The following SMIM29 variants were observed in gnomAD, a reference collection of about 807,000 sequenced individuals.
The protein encoded by SMIM29 is small integral membrane protein 29, also known as uncharacterized protein C6orf1.
In SMIM29, 4 loss-of-function variants were observed where a neutral mutation model predicts 12.9. The ratio of observed to expected loss-of-function variants is 0.31; its 90% confidence interval spans 0.15 to 0.71. SMIM29 has a LOEUF of 0.71. Ranked by LOEUF, SMIM29 falls within the 30% of genes least tolerant of loss-of-function variation. SMIM29 has a pLI of 0.70. For missense variants in SMIM29, 122 were observed against 138.1 expected, an observed-to-expected ratio of 0.88 and a Z score of 0.58; for synonymous variants, 50 against 52.0, an observed-to-expected ratio of 0.96 and a Z score of 0.17.
In SMIM29 at chr6:34,246,431, AATACT is replaced by A. The variant is rs1489021148; in HGVS notation, c.*367_*371del. Reference sequence around the variant, plus strand: ...CATTTTATTTACAAAATATATACTGAATACTATACATCTGGCCCCATCACCATGGA... The same window carrying A: ...CATTTTATTTACAAAATATATACTGAATACATCTGGCCCCATCACCATGGA... On this transcript the variant is annotated 3_prime_UTR_variant, in exon 5 of 5. Transcript: ENST00000476320. 12 of 1,405,242 alleles carry A rather than the reference AATACT, an allele frequency of 8.5e-6. No homozygotes were observed. The highest frequency in any genetic ancestry group is 5.9e-5 in the South Asian group (4 of 68,236). 87.0% of individuals were successfully genotyped at this position (1,405,242 alleles called of 1,614,324 possible).
rs1561883451 is a variant in SMIM29, at chr6:34,246,864, A to G, written c.248T>C (p.Val83Ala). ...LLSDMGDPKV[V>A]HGWQSGYQHK... ...CTGGTAGCCACTCTGCCAGCCATGT[A>G]CCACCTGTCGGGGAGGAGACCACAC... The change falls in exon 5 of 5, where the codon GTA (valine) becomes GCA (alanine). Residue 83 changes from valine (V) to alanine (A), a missense_variant. Transcript: ENST00000476320. 2 of 1,607,698 alleles carry G rather than the reference A, an allele frequency of 1.2e-6. No homozygotes were observed. The highest frequency in any genetic ancestry group is 8.5e-7 in the Non-Finnish European group (1 of 1,176,204).
chr6:34,248,097 C>T (rs1451498326), intron 1 of SMIM29: 1 of 985,302 alleles, frequency 1.0e-6, no homozygotes, highest in Non-Finnish European at 1.2e-6. Context: ...AACTCCTATC[C>T]CTAAATCAGG....
chr6:34,248,192 C>T, intron 1 of SMIM29: 1 of 985,406 alleles, frequency 1.0e-6, no homozygotes, highest in Non-Finnish European at 1.2e-6. Context: ...GGTGCCTGCC[C>T]CAGCCCTTTT....
In SMIM29 at chr6:34,246,574, G is replaced by C; in HGVS notation, c.*229C>G. ...TCCCAGAAGGAAAGCCTCTTCCCAT[G>C]AGTGCCTGTGGGTGGGCGGTGAGCT... On this transcript the variant is annotated 3_prime_UTR_variant, in exon 5 of 5. Transcript: ENST00000476320. 1 of 1,603,314 alleles carries C rather than the reference G, an allele frequency of 6.2e-7. No individual in the cohort carries two copies. The highest frequency in any genetic ancestry group is 8.5e-7 in the Non-Finnish European group (1 of 1,172,798).
intron 3 of SMIM29, 79 bp from the exon 4 acceptor site, chr6:34,247,228 T>C: frequency 6.2e-7 from 1 of 1,605,582 alleles, no homozygotes; most frequent in Non-Finnish European, 8.5e-7. Flanking sequence ...TCTCCTCCCT[T>C]TCCCAGGCAG....
intron 3 of SMIM29, 93 bp from the exon 4 acceptor site, chr6:34,247,242 C>T: frequency 6.2e-7 from 1 of 1,600,458 alleles, no homozygotes; most frequent in Non-Finnish European, 8.5e-7. Flanking sequence ...CAGGCAGGGG[C>T]AATTCCAGTG....
At chr6:34,246,891 A>C (rs376787037) in intron 4 of SMIM29, 23 bp from the exon 5 acceptor site, 33 of 1,600,648 alleles carry the variant, frequency 2.1e-5, no homozygotes, top group Non-Finnish European at 2.7e-5. Flanking sequence ...AGACCACACC[A>C]CAAGGCTGGG....
At chr6:34,248,831 C>T (rs1762906425) in intron 1 of SMIM29, 148 bp downstream of exon 1, 11 of 985,724 alleles carry the variant, frequency 1.1e-5, no homozygotes, top group African/African-American at 1.7e-5. Context: ...GGAGGTGGTT[C>T]CCACGGCGCT....
rs760198976 is a variant in SMIM29, at chr6:34,246,754, C to CA, written c.*48dup. Reference sequence around the variant, plus strand: ...GCAGGGGAAGCAGATGGCAGGGCCCCAGGCAGTCCAGGACCCCAGGCTCTG... The same window carrying CA: ...GCAGGGGAAGCAGATGGCAGGGCCCCAAGGCAGTCCAGGACCCCAGGCTCTG... On this transcript the variant is annotated 3_prime_UTR_variant, in exon 5 of 5. Coordinates refer to ENST00000476320, the MANE Select transcript of SMIM29 (RefSeq NM_001008703.4). The CA allele has an allele frequency of 3.1e-6, 5 of 1,613,516 alleles. No homozygotes were observed. The highest frequency in any genetic ancestry group is 2.2e-5 in the South Asian group (2 of 91,068).
At chr6:34,247,591 A>G in intron 2 of SMIM29, 90 bp downstream of exon 2, 1 of 1,498,630 alleles carries the variant, frequency 6.7e-7, no homozygotes, top group Non-Finnish European at 8.9e-7. Flanking sequence ...TTAACAGGAC[A>G]GTGGGGACTC....
At chr6:34,248,773 G>A (rs1356561295) in intron 1 of SMIM29, 2 of 985,790 alleles carry the variant, frequency 2.0e-6, no homozygotes, top group Non-Finnish European at 2.4e-6. Context: ...TGCCAGGGTG[G>A]GGAGGGCGTC....
chr6:34,246,852 T>C lies in SMIM29; in HGVS notation c.260A>G (p.Gln87Arg). The stretch of plus-strand genomic sequence containing the variant: ...CATCCGCTTGTGCTGGTAGCCACTC[T>C]GCCAGCCATGTACCACCTGTCGGGG... ...MGDPKVVHGW[Q>R]SGYQHKRMPL... Residue 87 changes from glutamine (Q) to arginine (R), a missense_variant, in exon 5 of 5, where the codon CAG becomes CGG. Gln to Arg is a conservative substitution (Grantham distance 43). Coordinates refer to ENST00000476320, the MANE Select transcript of SMIM29 (RefSeq NM_001008703.4). 2 of 1,610,136 alleles carry C rather than the reference T, an allele frequency of 1.2e-6. No individual in the cohort carries two copies. The highest frequency in any genetic ancestry group is 1.7e-6 in the Non-Finnish European group (2 of 1,177,888).
At chr6:34,247,296 A>AT in intron 3 of SMIM29, 147 bp from the exon 4 acceptor site, 1 of 1,548,106 alleles carries the variant, frequency 6.5e-7, no homozygotes, top group South Asian at 1.2e-5. Flanking sequence ...TACAACCCTG[A>AT]TTCTACAAAG....
chr6:34,247,530 C>T (rs773792916), intron 2 of SMIM29, 38 bp from the exon 3 acceptor site: 215 of 1,556,582 alleles, frequency 1.4e-4, no homozygotes, highest in Non-Finnish European at 1.7e-4. Flanking sequence ...GCTGCTGAGC[C>T]CAGGAAGGCC....
rs778373752 is a variant in SMIM29 at position 34,247,167 on chromosome 6, G to A, written c.138-18C>T. 4.3e-6 allele frequency: 7 copies of A among 1,613,822 alleles called. No homozygotes were observed. Among genetic ancestry groups the A allele is most frequent in the Non-Finnish European group, 5.1e-6 (6 of 1,179,948 alleles). ...GGTCCACCCTGGGGAGCAGGGGAGG[G>A]GACTCAGCTAGGAGGTCCCCCCAAC... On this transcript the variant is annotated intron_variant, in intron 3 of 4. Transcript: ENST00000476320.
In SMIM29 at chr6:34,247,084, T is replaced by G; in HGVS notation, c.203A>C (p.Glu68Ala). ...YSYDPAEELHEAEQELLSDMG... is the reference protein window; with the variant it reads ...YSYDPAEELHAAEQELLSDMG... The stretch of plus-strand genomic sequence containing the variant: ...GTCAGAGAGCAGCTCCTGCTCAGCC[T>G]CATGCAGTTCCTCAGCTGGGTCATA... Residue 68 changes from glutamate (E) to alanine (A), a missense_variant, in exon 4 of 5, where the codon GAG (glutamate) becomes GCG (alanine). By Grantham distance (107) the Glu-to-Ala change is moderately radical. Transcript: ENST00000476320. 1 of 1,614,104 alleles carries G rather than the reference T, an allele frequency of 6.2e-7. No individual in the cohort carries two copies. The highest frequency in any genetic ancestry group is 8.5e-7 in the Non-Finnish European group (1 of 1,180,006).
rs945458841 is a variant in SMIM29 at position 34,248,972 on chromosome 6, G to T, written c.-74+7C>A. The T allele has an allele frequency of 1.0e-6, 1 of 985,444 alleles. No homozygotes were observed. The highest frequency in any genetic ancestry group is 1.2e-6 in the Non-Finnish European group (1 of 830,016). 61.0% of individuals were successfully genotyped at this position (985,444 alleles called of 1,614,324 possible). ...TCTGCAGCCCAGCCGGCCTGGCCAT[G>T]CCTTACCTCCCGCCGCTGCAGCCCC... On this transcript the variant is annotated splice_region_variant and intron_variant, in intron 1 of 4. Coordinates refer to ENST00000476320, the MANE Select transcript of SMIM29 (RefSeq NM_001008703.4).
intron 1 of SMIM29, chr6:34,248,216 G>A (rs979705226): frequency 2.0e-6 from 2 of 985,364 alleles, no homozygotes; most frequent in Admixed American, 1.2e-4. Flanking sequence ...GCATTGGGCT[G>A]CCAGCACCTG....
In SMIM29 at chr6:34,247,878, AG is replaced by A. The variant is rs1762867835; in HGVS notation, c.-73-15del. On this transcript the variant is annotated splice_polypyrimidine_tract_variant and intron_variant, in intron 1 of 4. Transcript: ENST00000476320. Reference sequence around the variant, plus strand: ...CCACTGGGCTCCCTGGGAAGGAGGAAGGGAGGTTATCAGTTGCACCCAGGTG... The same window carrying A: ...CCACTGGGCTCCCTGGGAAGGAGGAAGGAGGTTATCAGTTGCACCCAGGTG... The A allele has an allele frequency of 7.9e-7, 1 of 1,258,822 alleles. No homozygotes were observed. Among genetic ancestry groups the A allele is most frequent in the Non-Finnish European group, 1.0e-6 (1 of 1,004,836 alleles). 78.0% of individuals were successfully genotyped at this position (1,258,822 alleles called of 1,614,324 possible). A position where few individuals can be genotyped will look rare whatever the true frequency, so the allele number is the denominator to read the frequency against.
Sources: gnomAD v4.1 joint callset for allele counts on GRCh38, gnomAD v4.1.1 for gene constraint, MANE v1.5 for transcripts, NCBI Gene and HGNC (gene_info 2026-07-23, HGNC 2026-07-21) for gene names.